The following ARHGEF38 variants were observed in gnomAD, a reference collection of about 807,000 sequenced individuals.
The protein encoded by ARHGEF38 is Rho guanine nucleotide exchange factor (GEF) 38.
A neutral mutation model predicts 79.9 loss-of-function variants in ARHGEF38; 79 were observed. That is an observed-to-expected ratio of 0.99 (90% CI 0.82 to 1.19). The LOEUF (loss-of-function observed/expected upper bound fraction) is 1.19, where lower values mean the gene tolerates loss of function less well. ARHGEF38 is among the 50% of genes most tolerant of loss of function. The probability of loss-of-function intolerance (pLI) is 0.00; values close to 1 mark genes in which losing one functional copy is unlikely to be tolerated. For synonymous variants in ARHGEF38, 366 were observed against 328.3 expected, an observed-to-expected ratio of 1.11 and a Z score of -1.24; for missense variants, 962 against 907.2, an observed-to-expected ratio of 1.06 and a Z score of -0.78.
intron 1 of ARHGEF38, among the ~76,000 whole-genome samples, chr4:105,570,517 C>A (rs1440289461): frequency 6.6e-6 from 1 of 152,088 alleles, no homozygotes; most frequent in East Asian, 1.9e-4. Flanking sequence ...ACAATCATGG[C>A]AGAAGAGGAA....
At chr4:105,570,794 G>A (rs1408891585) in intron 1 of ARHGEF38, among the ~76,000 whole-genome samples, 1 of 152,122 alleles carries the variant, frequency 6.6e-6, no homozygotes, top group Admixed American at 6.6e-5. Context: ...ATACACAATG[G>A]AGCATCATCA....
Position 105,613,415 on chromosome 4 carries a change from G to T in ARHGEF38, c.416G>T (p.Ser139Ile), listed in dbSNP as rs1226223520. Residue 139 changes from serine to isoleucine, a missense_variant, in exon 3 of 14, where the codon AGC becomes ATC. Physicochemically the swap from Ser to Ile is moderately radical, Grantham distance 142 (BLOSUM62 -2). Transcript: ENST00000420470. Reference protein sequence around the residue: ...TDRLDVDSLFSNIESVHQISA... With the variant: ...TDRLDVDSLFINIESVHQISA... ...AGGCTGGATGTGGATAGCTTGTTTA[G>T]CAACATTGAGTCCGTGCATCAGATA... 2 of 1,613,142 alleles carry T rather than the reference G, an allele frequency of 1.2e-6. No homozygotes were observed. Among genetic ancestry groups the T allele is most frequent in the Non-Finnish European group, 1.7e-6 (2 of 1,179,434 alleles).
Position 105,679,863 on chromosome 4 carries a change from C to A in ARHGEF38, c.*1926C>A. On this transcript the variant is annotated 3_prime_UTR_variant, in exon 14 of 14. Coordinates refer to ENST00000420470, the MANE Select transcript of ARHGEF38 (RefSeq NM_001242729.2). ...GGAGGAGAACTTTGAATCACCAGGT[C>A]AACTACAGGAATGTCCAAACCACGA... 7.0e-7 allele frequency: 1 copy of A among 1,426,330 alleles called. No individual in the cohort carries two copies. The highest frequency in any genetic ancestry group is 1.1e-5 in the South Asian group (1 of 87,040). 88.4% of individuals were successfully genotyped at this position (1,426,330 alleles called of 1,614,324 possible). A position where few individuals can be genotyped will look rare whatever the true frequency, so the allele number is the denominator to read the frequency against.
In ARHGEF38 at chr4:105,666,306, C is replaced by G; in HGVS notation, c.1675C>G (p.Pro559Ala). The change falls in exon 11 of 14, where the codon CCT becomes GCT. Residue 559 changes from proline (P) to alanine (A), a missense_variant. By Grantham distance (27) the Pro-to-Ala change is conservative. Transcript: ENST00000420470. ...GAAACTCAGTTTTGAAAAGAAGAAA[C>G]CTGTGCAGATTCTGGTGAGTTTGGC... ...ERKLSFEKKK[P>A]VQILPEMPHQ... The G allele has an allele frequency of 6.5e-7, 1 of 1,528,296 alleles. No homozygotes were observed. The allele number at this position is 1,528,296 out of a possible 1,614,324, so 94.7% of individuals were successfully genotyped here. A position where few individuals can be genotyped will look rare whatever the true frequency, so the allele number is the denominator to read the frequency against.
Position 105,648,731 on chromosome 4 carries a change from C to T in ARHGEF38, c.1008+49C>T, listed in dbSNP as rs1729961242. 3.4e-6 allele frequency: 5 copies of T among 1,461,156 alleles called. No homozygotes were observed. In the South Asian group the frequency reaches 4.3e-5, roughly 12 times the overall value. 90.5% of individuals were successfully genotyped at this position (1,461,156 alleles called of 1,614,324 possible). On this transcript the variant is annotated intron_variant, in intron 7 of 13. Transcript: ENST00000420470. ...CACCTTTTCCCAGGGAACATGAATG[C>T]AGATATTTTTGTGAGGTTTTGTTTT...
At chr4:105,600,102 A>C (rs1190592150) in intron 2 of ARHGEF38, among the ~76,000 whole-genome samples, 4 of 152,206 alleles carry the variant, frequency 2.6e-5, no homozygotes, top group African/African-American at 4.8e-5. Flanking sequence ...ATGTTTGTCA[A>C]GTGCCTATTG....
chr4:105,675,459 A>C (rs897587423), intron 13 of ARHGEF38, among the ~76,000 whole-genome samples: 1 of 152,224 alleles, frequency 6.6e-6, no homozygotes, highest in African/African-American at 2.4e-5. Context: ...TAATAATTTG[A>C]CCATGTTCAT....
chr4:105,647,589 A>G (rs1425375489), intron 6 of ARHGEF38, among the ~76,000 whole-genome samples: 1 of 152,196 alleles, frequency 6.6e-6, no homozygotes, highest in Non-Finnish European at 1.5e-5. Flanking sequence ...TCCTGGTAAT[A>G]GACTATGAAT....
At chr4:105,587,295 G>A (rs1727099732) in intron 1 of ARHGEF38, among the ~76,000 whole-genome samples, 1 of 152,154 alleles carries the variant, frequency 6.6e-6, no homozygotes, top group Admixed American at 6.5e-5. Context: ...TTGACAAAGT[G>A]AGAACCTGTT....
intron 13 of ARHGEF38, among the ~76,000 whole-genome samples, chr4:105,673,716 A>C (rs1414261463): frequency 6.6e-6 from 1 of 152,168 alleles, no homozygotes; most frequent in Non-Finnish European, 1.5e-5. Flanking sequence ...AGAAAGGAAG[A>C]GAGGAAGATG....
chr4:105,659,775 T>A (rs189203488), intron 10 of ARHGEF38, among the ~76,000 whole-genome samples: 1 of 151,786 alleles, frequency 6.6e-6, no homozygotes, highest in Non-Finnish European at 1.5e-5. Context: ...CTCAGCATAA[T>A]GAAAGATGCA....
intron 1 of ARHGEF38, among the ~76,000 whole-genome samples, chr4:105,583,526 T>C (rs886137040): frequency 6.6e-6 from 1 of 152,206 alleles, no homozygotes; most frequent in African/African-American, 2.4e-5. Context: ...CTCTCACCTT[T>C]CAACTCTATT....
At chr4:105,562,410 A>G (rs1438460671) in intron 1 of ARHGEF38, among the ~76,000 whole-genome samples, 5 of 152,166 alleles carry the variant, frequency 3.3e-5, no homozygotes, top group African/African-American at 1.2e-4. Context: ...TTACAACTAT[A>G]TTGATCCTTA....
intron 13 of ARHGEF38, among the ~76,000 whole-genome samples, chr4:105,668,175 CTTTTTCTT>C (rs961437961): frequency 1.3e-5 from 2 of 151,324 alleles, no homozygotes; most frequent in Non-Finnish European, 2.9e-5. Context: ...TATATGGAAA[CTTTTTCTT>C]TTTTTCTTTT....
chr4:105,561,400 T>TAGAATAGAATAGAATAG (rs59437354), intron 1 of ARHGEF38, among the ~76,000 whole-genome samples: 2 of 30,184 alleles, frequency 6.6e-5, no homozygotes, highest in South Asian at 1.5e-3. Context: ...TAGAGTAGAA[T>TAGAATAGAATAGAATAG]AATAGAATAG....
intron 3 of ARHGEF38, among the ~76,000 whole-genome samples, chr4:105,618,276 G>T (rs190519642): frequency 8.7e-4 from 133 of 152,300 alleles, no homozygotes; most frequent in Non-Finnish European, 1.7e-3. Flanking sequence ...ATATCAATGA[G>T]TTCTTGCTGA....
intron 2 of ARHGEF38, among the ~76,000 whole-genome samples, chr4:105,591,407 A>T (rs1447119854): frequency 6.6e-6 from 1 of 151,838 alleles, no homozygotes; most frequent in African/African-American, 2.4e-5. Flanking sequence ...TTTTCTGTAT[A>T]TTTAGTAGAG....
intron 6 of ARHGEF38, among the ~76,000 whole-genome samples, chr4:105,645,650 A>G (rs1022441909): frequency 5.9e-5 from 9 of 152,210 alleles, no homozygotes; most frequent in Non-Finnish European, 1.2e-4. Flanking sequence ...TCCTGGTGAC[A>G]TATTGTGGGC....
At chr4:105,603,261 C>A (rs1263288796) in intron 2 of ARHGEF38, among the ~76,000 whole-genome samples, 1 of 152,008 alleles carries the variant, frequency 6.6e-6, no homozygotes, top group Non-Finnish European at 1.5e-5. Context: ...TTTAAGTGTT[C>A]CTAGTTGACT....
Sources: gnomAD v4.1 joint callset for allele counts (sites outside exome capture counted in the v4.1 genomes callset) on GRCh38, gnomAD v4.1.1 for gene constraint, MANE v1.5 for transcripts, NCBI Gene and HGNC (gene_info 2026-07-23, HGNC 2026-07-21) for gene names.